Variants in MOGAT1 observed in about 807,000 individuals in gnomAD.
The protein encoded by MOGAT1 is 2-acylglycerol O-acyltransferase 1.
MOGAT1 carries 32 observed loss-of-function variants against 31.4 expected under a neutral mutation model. That is an observed-to-expected ratio of 1.02 (90% CI 0.77 to 1.37). The LOEUF is 1.37. Ranked by LOEUF, MOGAT1 falls within the 40% of genes most tolerant of loss-of-function variation. MOGAT1 has a pLI of 0.00. For missense variants in MOGAT1, 426 were observed against 402.0 expected (o/e 1.06, Z -0.51); for synonymous variants, 145 against 144.5 (o/e 1.00, Z -0.03).
chr2:222,709,628 C>T, intron 5 of MOGAT1, 108 bp from the exon 6 acceptor site: 1 of 973,078 alleles, frequency 1.0e-6, no homozygotes, highest in Non-Finnish European at 1.5e-6. Context: ...AGTGAGCAGG[C>T]TGGAGGGATT....
chr2:222,698,029 G>A (rs1026369200), intron 5 of MOGAT1, among the ~76,000 whole-genome samples: 3 of 152,148 alleles, frequency 2.0e-5, no homozygotes, highest in Non-Finnish European at 4.4e-5. Flanking sequence ...ATGGACACAG[G>A]AACATATGTT....
chr2:222,695,842 T>C (rs1692829283), intron 5 of MOGAT1, among the ~76,000 whole-genome samples: 1 of 152,186 alleles, frequency 6.6e-6, no homozygotes, highest in South Asian at 2.1e-4. Flanking sequence ...TTGTGATTTC[T>C]GAGATTTTGG....
chr2:222,695,942 A>T (rs1187472839), intron 5 of MOGAT1, among the ~76,000 whole-genome samples: 3 of 152,116 alleles, frequency 2.0e-5, no homozygotes, highest in Admixed American at 1.3e-4. Flanking sequence ...GAGTCCCCAA[A>T]GTCCATTGCA....
rs543804215 is a variant in MOGAT1, at chr2:222,695,468, C to T, written c.853+180C>T. The stretch of plus-strand genomic sequence containing the variant: ...TTTATTTATGAAATGACTACATTTT[C>T]CACTAGAATAGGAATTGATTACTTT... On this transcript the variant is annotated intron_variant, in intron 5 of 5. Transcript: ENST00000446656. 1.2e-4 allele frequency among the ~76,000 whole-genome samples: 19 copies of T among 152,270 alleles called. No homozygotes were observed. The South Asian group carries it at 3.7e-3, about 30-fold the overall frequency.
chr2:222,686,608 G>T (rs894919298), intron 1 of MOGAT1, among the ~76,000 whole-genome samples: 8 of 152,114 alleles, frequency 5.3e-5, no homozygotes, highest in Admixed American at 1.3e-4. Flanking sequence ...AGGGCAGAGG[G>T]CACTCTTTAC....
intron 1 of MOGAT1, among the ~76,000 whole-genome samples, chr2:222,682,906 C>A (rs961132863): frequency 6.6e-6 from 1 of 151,996 alleles, no homozygotes; most frequent in Non-Finnish European, 1.5e-5. Context: ...TGGGTAAATC[C>A]ACAGAAACAG....
intron 5 of MOGAT1, among the ~76,000 whole-genome samples, chr2:222,698,102 G>A (rs1692863111): frequency 8.5e-6 from 1 of 117,778 alleles, no homozygotes; most frequent in African/African-American, 4.0e-5. Context: ...CATAGACATA[G>A]CAGATGGGGT....
At chr2:222,697,821 T>C (rs1692858093) in intron 5 of MOGAT1, among the ~76,000 whole-genome samples, 1 of 152,072 alleles carries the variant, frequency 6.6e-6, no homozygotes, top group African/African-American at 2.4e-5. Flanking sequence ...GTGATCCATC[T>C]GCCTCAGCCT....
At chr2:222,706,987 T>C (rs1693011643) in intron 5 of MOGAT1, among the ~76,000 whole-genome samples, 1 of 152,110 alleles carries the variant, frequency 6.6e-6, no homozygotes, top group South Asian at 2.1e-4. Context: ...AGCCAGAAGT[T>C]TGAAGCCAGC....
intron 5 of MOGAT1, among the ~76,000 whole-genome samples, chr2:222,704,425 C>T (rs1692973400): frequency 6.6e-6 from 1 of 151,812 alleles, no homozygotes; most frequent in South Asian, 2.1e-4. Context: ...GAGATCGAGA[C>T]CATCCTGGCT....
chr2:222,687,113 C>CAAAAAA (rs1177781176), intron 1 of MOGAT1, among the ~76,000 whole-genome samples: 2 of 22,450 alleles, frequency 8.9e-5, no homozygotes, highest in Non-Finnish European at 8.4e-5. Context: ...GACTCCATCT[C>CAAAAAA]AAAAAAAAAA....
chr2:222,699,800 T>C (rs1456741437), intron 5 of MOGAT1, among the ~76,000 whole-genome samples: 1 of 152,188 alleles, frequency 6.6e-6, no homozygotes, highest in African/African-American at 2.4e-5. Flanking sequence ...GCCCAGCTTC[T>C]GTTGGGAGAT....
At chr2:222,690,377 T>C (rs962291981) in intron 3 of MOGAT1, among the ~76,000 whole-genome samples, 7 of 151,924 alleles carry the variant, frequency 4.6e-5, no homozygotes, top group Non-Finnish European at 8.8e-5. Flanking sequence ...CTTGCCAACA[T>C]AGTGAAACCC....
chr2:222,696,855 A>C (rs1254649785), intron 5 of MOGAT1, among the ~76,000 whole-genome samples: 1 of 152,036 alleles, frequency 6.6e-6, no homozygotes, highest in Non-Finnish European at 1.5e-5. Flanking sequence ...GACTGGCAAC[A>C]AAGCTGGACC....
chr2:222,682,724 T>A (rs1692602790), intron 1 of MOGAT1, among the ~76,000 whole-genome samples: 1 of 152,180 alleles, frequency 6.6e-6, no homozygotes, highest in Non-Finnish European at 1.5e-5. Flanking sequence ...AGTGTATATG[T>A]AAGTGGGAAT....
rs775862173 is a variant in MOGAT1 at position 222,709,809 on chromosome 2, T to C, written c.927T>C (p.Tyr309=). The part of the protein sequence containing the change: ...QEQIEELHQT[Y]MEELRKLFEE... ...AGATTGAGGAGTTACATCAGACCTA[T>C]ATGGAGGAACTTAGGAAATTGTTTG... The change falls in exon 6 of 6, where the codon TAT becomes TAC. Residue 309 remains tyrosine, a synonymous_variant. Coordinates refer to ENST00000446656, the MANE Select transcript of MOGAT1 (RefSeq NM_058165.3). 7 of 1,613,314 alleles carry C rather than the reference T, an allele frequency of 4.3e-6. No individual in the cohort carries two copies. Among genetic ancestry groups the C allele is most frequent in the Non-Finnish European group, 5.1e-6 (6 of 1,179,634 alleles).
intron 1 of MOGAT1, among the ~76,000 whole-genome samples, chr2:222,682,693 A>G (rs1692602014): frequency 6.6e-6 from 1 of 152,222 alleles, no homozygotes; most frequent in Middle Eastern, 3.2e-3. Context: ...CTGTCAACAG[A>G]TGCATGAATT....
In MOGAT1 at chr2:222,709,748, T is replaced by C. The variant is rs1226846167; in HGVS notation, c.866T>C (p.Ile289Thr). Residue 289 changes from isoleucine (I) to threonine (T), a missense_variant, in exon 6 of 6, where the codon ATC (isoleucine) becomes ACC (threonine). Physicochemically the swap from Ile to Thr is moderately conservative, Grantham distance 89. Coordinates refer to ENST00000446656, the MANE Select transcript of MOGAT1 (RefSeq NM_058165.3). ...KAIHTVVGRP[I>T]PVRQTLNPTQ... Reference sequence around the variant, plus strand: ...CCCTGATTTGCAGTTGGCCGCCCGATCCCTGTTCGTCAGACTCTGAACCCG... The same window carrying C: ...CCCTGATTTGCAGTTGGCCGCCCGACCCCTGTTCGTCAGACTCTGAACCCG... 6.2e-7 allele frequency: 1 copy of C among 1,612,676 alleles called. No homozygotes were observed.
chr2:222,683,343 T>C (rs1383037873), intron 1 of MOGAT1, among the ~76,000 whole-genome samples: 1 of 151,872 alleles, frequency 6.6e-6, no homozygotes, highest in Non-Finnish European at 1.5e-5. Context: ...ATGGTGGTAG[T>C]AGTTGTACAA....
Sources: gnomAD v4.1 joint callset for allele counts (sites outside exome capture counted in the v4.1 genomes callset) on GRCh38, gnomAD v4.1.1 for gene constraint, MANE v1.5 for transcripts, NCBI Gene and HGNC (gene_info 2026-07-23, HGNC 2026-07-21) for gene names.